The following GPHN variants were observed in gnomAD, a reference collection of about 807,000 sequenced individuals.
GPHN encodes gephyrin.
Under a neutral mutation model 95.5 loss-of-function variants are expected in GPHN, and 17 were observed. The ratio of observed to expected loss-of-function variants is 0.18; its 90% CI spans 0.12 to 0.27. The LOEUF (loss-of-function observed/expected upper bound fraction) is 0.27. Among genes scored for constraint, GPHN ranks in the 10% least tolerant of loss-of-function variants. The pLI is 1.00. For missense variants in GPHN, 660 were observed against 978.1 expected (o/e 0.67, Z 4.34); for synonymous variants, 320 against 322.5 (o/e 0.99, Z 0.08).
At chr14:66,691,712 C>T (rs934215254) in intron 2 of GPHN, among the ~76,000 whole-genome samples, 1 of 151,358 alleles carries the variant, frequency 6.6e-6, no homozygotes, top group Non-Finnish European at 1.5e-5. Context: ...TTACAGAAAA[C>T]GTTGCTGACA....
the GPHN span, among the ~76,000 whole-genome samples, chr14:67,448,120 C>CT: frequency 0.023 from 847 of 36,076 alleles, 355 homozygotes; most frequent in East Asian, 0.057. Context: ...ATAGCCCATT[C>CT]TTTTTTTTTT....
At chr14:67,642,241 T>A in the GPHN span, 3 of 1,614,122 alleles carry the variant, frequency 1.9e-6, no homozygotes, top group African/African-American at 1.3e-5. Context: ...CCAAAGATGA[T>A]CTCTACAACA....
chr14:67,428,475 TCTTAC>T, the GPHN span, among the ~76,000 whole-genome samples: 2 of 152,242 alleles, frequency 1.3e-5, no homozygotes, highest in African/African-American at 2.4e-5. Flanking sequence ...AGGGGAGAAC[TCTTAC>T]CATTGCATTA....
intron 1 of GPHN, among the ~76,000 whole-genome samples, chr14:66,522,959 T>C (rs1052726775): frequency 2.6e-5 from 4 of 152,100 alleles, no homozygotes; most frequent in Non-Finnish European, 4.4e-5. Flanking sequence ...AGTGGGAGTT[T>C]AGTATCATTA....
the GPHN span, chr14:67,690,629 T>C: frequency 5.4e-6 from 3 of 560,114 alleles, no homozygotes; most frequent in Admixed American, 6.1e-5. Flanking sequence ...ATGAGCGAGA[T>C]AGGTCTAGAC....
At chr14:67,542,639 A>AC in the GPHN span, among the ~76,000 whole-genome samples, 1 of 152,196 alleles carries the variant, frequency 6.6e-6, no homozygotes, top group African/African-American at 2.4e-5. Context: ...TGGGAAACTG[A>AC]CCACCTTTCC....
chr14:66,761,895 C>T (rs1168966964), intron 2 of GPHN, among the ~76,000 whole-genome samples: 3 of 152,092 alleles, frequency 2.0e-5, no homozygotes, highest in Admixed American at 6.5e-5. Flanking sequence ...CTCCTGACCT[C>T]GTGATCCACC....
chr14:66,621,055 C>T (rs1428659539), intron 1 of GPHN, among the ~76,000 whole-genome samples: 2 of 152,014 alleles, frequency 1.3e-5, no homozygotes, highest in Non-Finnish European at 2.9e-5. Context: ...AGCTCTGCCT[C>T]CCGGGTTCAC....
intron 1 of GPHN, among the ~76,000 whole-genome samples, chr14:66,591,176 A>G (rs571219675): frequency 6.6e-6 from 1 of 152,348 alleles, no homozygotes; most frequent in Admixed American, 6.5e-5. Context: ...AGTGCTATTT[A>G]TGACAAACCC....
At chr14:67,066,875 A>C (rs181407259) in intron 11 of GPHN, among the ~76,000 whole-genome samples, 30 of 152,284 alleles carry the variant, frequency 2.0e-4, no homozygotes, top group South Asian at 1.0e-3. Context: ...GGGTTAGAAC[A>C]TGCTCCTTTA....
At chr14:67,296,068 C>T in the GPHN span, among the ~76,000 whole-genome samples, 9 of 151,806 alleles carry the variant, frequency 5.9e-5, no homozygotes, top group African/African-American at 2.2e-4. Context: ...CCAACAGCAC[C>T]GAGATGTGCC....
chr14:67,106,870 G>A (rs1222840669), intron 13 of GPHN, among the ~76,000 whole-genome samples: 3 of 151,968 alleles, frequency 2.0e-5, no homozygotes, highest in African/African-American at 7.3e-5. Flanking sequence ...TCCTTTAGTG[G>A]TGTCATATTT....
At chr14:67,412,061 TC>T in the GPHN span, 1 of 1,548,280 alleles carries the variant, frequency 6.5e-7, no homozygotes, top group East Asian at 2.6e-5. Flanking sequence ...GTCCTCCATG[TC>T]GCCGCCCGCA....
intron 10 of GPHN, among the ~76,000 whole-genome samples, chr14:67,057,489 A>G (rs72715313): frequency 0.048 from 7,235 of 151,866 alleles, 201 homozygotes; most frequent in Middle Eastern, 0.068. Context: ...AGCTGGGCCT[A>G]ATACCTAGGT....
chr14:66,744,410 A>T (rs551638201), intron 2 of GPHN, among the ~76,000 whole-genome samples: 102 of 152,320 alleles, frequency 6.7e-4, no homozygotes, highest in African/African-American at 2.3e-3. Flanking sequence ...TAAACAAGGA[A>T]TTAAGTTGTA....
At chr14:67,673,611 CCAGT>C in the GPHN span, among the ~76,000 whole-genome samples, 4 of 152,214 alleles carry the variant, frequency 2.6e-5, no homozygotes, top group African/African-American at 4.8e-5. Flanking sequence ...TTCATTCTCA[CCAGT>C]CATTCAATTC....
chr14:67,527,812 G>A, the GPHN span, among the ~76,000 whole-genome samples: 6 of 152,200 alleles, frequency 3.9e-5, no homozygotes, highest in African/African-American at 7.2e-5. Flanking sequence ...CTCAGATTGC[G>A]GAGCAAAGTA....
At chr14:67,463,244 C>A in the GPHN span, among the ~76,000 whole-genome samples, 1 of 151,974 alleles carries the variant, frequency 6.6e-6, no homozygotes, top group African/African-American at 2.4e-5. Flanking sequence ...TATAGTGAGA[C>A]CTCATCTCTA....
chr14:66,683,353 T>TAC (rs2067075115), intron 2 of GPHN, among the ~76,000 whole-genome samples: 1 of 32,980 alleles, frequency 3.0e-5, no homozygotes, highest in Non-Finnish European at 6.5e-5. Context: ...TATATATATA[T>TAC]ATATATATAT....
Sources: gnomAD v4.1 joint callset for allele counts (sites outside exome capture counted in the v4.1 genomes callset) on GRCh38, gnomAD v4.1.1 for gene constraint, MANE v1.5 for transcripts, NCBI Gene and HGNC (gene_info 2026-07-23, HGNC 2026-07-21) for gene names.